The following PDE3B variants were observed in gnomAD, a reference collection of about 807,000 sequenced individuals.
The protein encoded by PDE3B is cGMP-inhibited 3',5'-cyclic phosphodiesterase 3B.
Under a neutral mutation model 116.8 loss-of-function variants are expected in PDE3B, and 66 were observed. That is an observed-to-expected ratio of 0.56 (90% CI 0.46 to 0.69). The LOEUF is 0.69. PDE3B is among the 30% of genes least tolerant of loss of function. PDE3B has a pLI of 0.00. For missense variants in PDE3B, 1,384 were observed against 1,368.1 expected (o/e 1.01, Z -0.18); for synonymous variants, 595 against 533.6 (o/e 1.12, Z -1.59).
In PDE3B at chr11:14,793,745, A is replaced by G. The variant is rs140291782; in HGVS notation, c.1415+4503A>G. On this transcript the variant is annotated intron_variant, in intron 4 of 15. Transcript: ENST00000282096. The stretch of plus-strand genomic sequence containing the variant: ...CTACACTAAAGAGACTTGCTTTTAA[A>G]CCCATGAGTCACCATTTATCTTCAC... Among the ~76,000 whole-genome samples the G allele has an allele frequency of 1.9e-3, 292 of 152,288 alleles. 1 individual carries two copies. The highest frequency in any genetic ancestry group is 6.4e-3 in the African/African-American group (268 of 41,560).
At chr11:14,723,316 A>T (rs1590090808) in intron 1 of PDE3B, among the ~76,000 whole-genome samples, 1 of 152,194 alleles carries the variant, frequency 6.6e-6, no homozygotes, top group Non-Finnish European at 1.5e-5. Flanking sequence ...GATGCTGGAG[A>T]TATAGTGGTG....
At chr11:14,667,864 G>A (rs866382963) in intron 1 of PDE3B, among the ~76,000 whole-genome samples, 1 of 150,762 alleles carries the variant, frequency 6.6e-6, no homozygotes, top group African/African-American at 2.4e-5. Flanking sequence ...AATAATAAAA[G>A]AATTTTTGTC....
intron 12 of PDE3B, among the ~76,000 whole-genome samples, chr11:14,851,045 G>A (rs546515479): frequency 9.9e-4 from 144 of 145,644 alleles, no homozygotes; most frequent in Non-Finnish European, 1.7e-3. Flanking sequence ...GGATGGTCTC[G>A]ATCTCTTGAC....
intron 1 of PDE3B, among the ~76,000 whole-genome samples, chr11:14,660,741 G>A (rs1042812449): frequency 6.6e-6 from 1 of 152,170 alleles, no homozygotes; most frequent in African/African-American, 2.4e-5. Context: ...CTTCGGGAGT[G>A]TGGCCTTTCT....
At chr11:14,672,680 G>A (rs1854408747) in intron 1 of PDE3B, among the ~76,000 whole-genome samples, 1 of 152,098 alleles carries the variant, frequency 6.6e-6, no homozygotes, top group South Asian at 2.1e-4. Flanking sequence ...TTAGGGTCTT[G>A]TCTTAATCTG....
chr11:14,689,847 T>G (rs761310287), intron 1 of PDE3B, among the ~76,000 whole-genome samples: 2 of 152,238 alleles, frequency 1.3e-5, no homozygotes, highest in Non-Finnish European at 2.9e-5. Flanking sequence ...TTCTGTAGGA[T>G]TTCCAAAAGT....
intron 3 of PDE3B, among the ~76,000 whole-genome samples, chr11:14,788,289 CTA>C (rs1049719880): frequency 1.3e-4 from 19 of 151,936 alleles, no homozygotes; most frequent in African/African-American, 4.3e-4. Flanking sequence ...CTTGATATAA[CTA>C]TCTTATACAC....
chr11:14,893,919 C>CA, the PDE3B span, among the ~76,000 whole-genome samples: 2 of 152,106 alleles, frequency 1.3e-5, no homozygotes, highest in Non-Finnish European at 2.9e-5. Flanking sequence ...AAATTTGAGG[C>CA]AGATATGGGG....
chr11:14,886,060 T>C, the PDE3B span: 2 of 766,144 alleles, frequency 2.6e-6, no homozygotes, highest in African/African-American at 3.5e-5. Flanking sequence ...CAACTGACAA[T>C]GTTCAGAGTG....
At chr11:14,681,044 T>G (rs529718111) in intron 1 of PDE3B, among the ~76,000 whole-genome samples, 178 of 152,268 alleles carry the variant, frequency 1.2e-3, no homozygotes, top group African/African-American at 4.0e-3. Flanking sequence ...GCTTACAGTA[T>G]TCTCACCAGT....
At chr11:14,756,083 T>C (rs569875424) in intron 1 of PDE3B, among the ~76,000 whole-genome samples, 2 of 152,334 alleles carry the variant, frequency 1.3e-5, no homozygotes, top group East Asian at 1.9e-4. Flanking sequence ...CAAGGTTTAA[T>C]GGAAGCTAAA....
intron 1 of PDE3B, among the ~76,000 whole-genome samples, chr11:14,681,723 T>TA (rs900443732): frequency 2.6e-5 from 4 of 152,204 alleles, no homozygotes; most frequent in African/African-American, 7.2e-5. Context: ...TATATAGAAA[T>TA]ACAATTGAGT....
intron 1 of PDE3B, among the ~76,000 whole-genome samples, chr11:14,713,041 T>A (rs2133830462): frequency 6.6e-6 from 1 of 152,354 alleles, no homozygotes; most frequent in Middle Eastern, 3.4e-3. Flanking sequence ...ACATTCATTT[T>A]AAAAAATTTG....
At chr11:14,777,091 G>A (rs1243495345) in intron 2 of PDE3B, among the ~76,000 whole-genome samples, 4 of 152,082 alleles carry the variant, frequency 2.6e-5, no homozygotes, top group African/African-American at 7.2e-5. Flanking sequence ...AAAGTATAGA[G>A]CTGAAAAATA....
intron 4 of PDE3B, among the ~76,000 whole-genome samples, chr11:14,802,695 G>GT (rs1204037042): frequency 5.9e-5 from 9 of 152,190 alleles, no homozygotes; most frequent in South Asian, 2.1e-4. Flanking sequence ...CATGTAGGCA[G>GT]TTGCCGGTAT....
intron 4 of PDE3B, among the ~76,000 whole-genome samples, chr11:14,794,408 C>T (rs1858486894): frequency 6.6e-6 from 1 of 151,586 alleles, no homozygotes; most frequent in African/African-American, 2.4e-5. Context: ...TCTCTGCCTC[C>T]TGGGATCAAG....
chr11:14,756,794 A>T (rs899302431), intron 1 of PDE3B, among the ~76,000 whole-genome samples: 6 of 89,336 alleles, frequency 6.7e-5, no homozygotes, highest in African/African-American at 3.0e-4. Context: ...ATATCATTTT[A>T]AGTGCTTATT....
At chr11:14,660,346 G>T (rs1853857939) in intron 1 of PDE3B, among the ~76,000 whole-genome samples, 1 of 150,046 alleles carries the variant, frequency 6.7e-6, no homozygotes, top group South Asian at 2.1e-4. Context: ...CTGTTGCCCA[G>T]GCTGGAGTGC....
downstream of PDE3B, among the ~76,000 whole-genome samples, chr11:14,873,309 T>C (rs1848162235): frequency 6.6e-6 from 1 of 152,178 alleles, no homozygotes; most frequent in Admixed American, 6.6e-5. Context: ...GATACATGAA[T>C]CTAGAATAAA....
Sources: gnomAD v4.1 joint callset for allele counts (sites outside exome capture counted in the v4.1 genomes callset) on GRCh38, gnomAD v4.1.1 for gene constraint, MANE v1.5 for transcripts, NCBI Gene and HGNC (gene_info 2026-07-23, HGNC 2026-07-21) for gene names.